The following PTPRD variants were observed in gnomAD, a reference collection of about 807,000 sequenced individuals.
PTPRD encodes protein tyrosine phosphatase receptor type D.
Under a neutral mutation model 214.5 loss-of-function variants are expected in PTPRD, and 34 were observed. That is an observed-to-expected ratio of 0.16 (90% confidence interval 0.12 to 0.21). PTPRD has a LOEUF of 0.21. Among genes scored for constraint, PTPRD ranks in the 10% least tolerant of loss-of-function variants. The pLI is 1.00. For missense variants in PTPRD, 2,545 were observed against 2,398.7 expected (o/e 1.06, Z -1.27); for synonymous variants, 1,128 against 845.7 (o/e 1.33, Z -5.79).
At chr9:8,725,456 C>T (rs769805457) in intron 12 of PTPRD, among the ~76,000 whole-genome samples, 5 of 152,108 alleles carry the variant, frequency 3.3e-5, no homozygotes, top group Non-Finnish European at 7.4e-5. Context: ...ATGAGCCAAT[C>T]AGTCAATGTC....
At position 10,068,408 on chromosome 9, in the gene PTPRD, G is replaced by T. The variant is rs2097923133; in HGVS notation, c.-544-34618C>A. Among the ~76,000 whole-genome samples the T allele has an allele frequency of 2.0e-5, 3 of 151,902 alleles. No homozygotes were observed. The South Asian group carries it at 6.2e-4, about 31-fold the overall frequency. On this transcript the variant is annotated intron_variant, in intron 3 of 45. Transcript: ENST00000381196. ...ATTTTATATATAAAAATGTGAAGAA[G>T]ATATAGAGTGTAAATGATACCAGTG...
intron 3 of PTPRD, among the ~76,000 whole-genome samples, chr9:10,234,795 C>A (rs1278978899): frequency 1.3e-5 from 2 of 151,744 alleles, no homozygotes; most frequent in East Asian, 3.9e-4. Flanking sequence ...TAATAAGAGC[C>A]AAACTGAAAT....
intron 11 of PTPRD, among the ~76,000 whole-genome samples, chr9:8,848,932 C>T (rs1256250699): frequency 2.4e-5 from 3 of 126,226 alleles, no homozygotes; most frequent in Non-Finnish European, 5.4e-5. Context: ...AGGTGAGGTA[C>T]TGAGCAGAAT....
chr9:9,731,849 A>T (rs2098200016), intron 7 of PTPRD, among the ~76,000 whole-genome samples: 1 of 152,220 alleles, frequency 6.6e-6, no homozygotes, highest in Non-Finnish European at 1.5e-5. Flanking sequence ...GAACTACTAA[A>T]CATAGAGCAA....
chr9:8,427,263 G>A (rs2094742556), intron 35 of PTPRD, among the ~76,000 whole-genome samples: 1 of 152,168 alleles, frequency 6.6e-6, no homozygotes, highest in Non-Finnish European at 1.5e-5. Context: ...CCTATTTTCT[G>A]AGAGAAAAGA....
rs115121143 is a variant in PTPRD, at chr9:8,625,688, G to A, written c.352+7629C>T. Among the ~76,000 whole-genome samples the A allele has an allele frequency of 7.8e-3, 1,189 of 151,608 alleles. 21 individuals carry two copies. The highest frequency in any genetic ancestry group is 0.026 in the African/African-American group (1,068 of 41,396). Reference sequence around the variant, plus strand: ...TTAAAAAAAAATCTACTGTGTTAAAGGGTGAAAATAACATTTATGTAATGC... The same window carrying A: ...TTAAAAAAAAATCTACTGTGTTAAAAGGTGAAAATAACATTTATGTAATGC... On this transcript the variant is annotated intron_variant, in intron 14 of 45. Coordinates refer to ENST00000381196, the MANE Select transcript of PTPRD (RefSeq NM_002839.4).
intron 12 of PTPRD, chr9:8,701,259 C>G (rs1400816333): frequency 6.6e-6 from 1 of 152,068 alleles, no homozygotes; most frequent in Non-Finnish European, 1.5e-5. Context: ...AAGTATCCAA[C>G]CATGGAAAGG....
At chr9:8,749,365 T>C (rs956500284) in intron 11 of PTPRD, among the ~76,000 whole-genome samples, 1 of 152,144 alleles carries the variant, frequency 6.6e-6, no homozygotes, top group Admixed American at 6.5e-5. Context: ...TTTTTGTGTT[T>C]TTAGTAGAGA....
intron 2 of PTPRD, among the ~76,000 whole-genome samples, chr9:10,369,939 T>C (rs1281154286): frequency 6.6e-6 from 1 of 152,136 alleles, no homozygotes; most frequent in African/African-American, 2.4e-5. Flanking sequence ...TTGTGCTTAA[T>C]TATATGCGAG....
At chr9:8,436,036 T>C (rs1002872532) in intron 35 of PTPRD, among the ~76,000 whole-genome samples, 2 of 152,208 alleles carry the variant, frequency 1.3e-5, no homozygotes, top group African/African-American at 4.8e-5. Context: ...CAAATCAGTG[T>C]ATTTGGCACC....
chr9:9,363,637 T>TG (rs2056968537), intron 9 of PTPRD, among the ~76,000 whole-genome samples: 2 of 151,242 alleles, frequency 1.3e-5, no homozygotes, highest in South Asian at 4.2e-4. Context: ...TCTAGCTAAG[T>TG]GGAAGTGGTC....
intron 2 of PTPRD, among the ~76,000 whole-genome samples, chr9:10,600,741 C>T (rs1389417190): frequency 6.6e-6 from 1 of 151,704 alleles, no homozygotes; most frequent in Non-Finnish European, 1.5e-5. Context: ...ATGAGCAAAT[C>T]CACAAAAACA....
intron 3 of PTPRD, among the ~76,000 whole-genome samples, chr9:10,321,350 T>C (rs528587506): frequency 2.0e-5 from 3 of 152,028 alleles, no homozygotes; most frequent in African/African-American, 7.2e-5. Context: ...AGGGCATTGA[T>C]TGGTCAAATG....
chr9:8,824,051 A>T (rs1158352156), intron 11 of PTPRD, among the ~76,000 whole-genome samples: 1 of 152,168 alleles, frequency 6.6e-6, no homozygotes, highest in Non-Finnish European at 1.5e-5. Flanking sequence ...CAGTGAAGAC[A>T]ACCAGAGGTC....
At chr9:9,762,457 A>C (rs2098666990) in intron 6 of PTPRD, among the ~76,000 whole-genome samples, 1 of 152,154 alleles carries the variant, frequency 6.6e-6, no homozygotes, top group Non-Finnish European at 1.5e-5. Context: ...ATTTTTGTTT[A>C]ACAGTTTGTT....
At chr9:10,305,661 A>G (rs763329422) in intron 3 of PTPRD, among the ~76,000 whole-genome samples, 52 of 152,166 alleles carry the variant, frequency 3.4e-4, no homozygotes, top group Non-Finnish European at 3.7e-4. Context: ...GCCAACAAAC[A>G]TAAGAAAAGA....
intron 3 of PTPRD, among the ~76,000 whole-genome samples, chr9:10,278,577 T>C (rs12346020): frequency 1.3e-5 from 2 of 152,170 alleles, no homozygotes; most frequent in African/African-American, 4.8e-5. Flanking sequence ...TGTGTGTTGC[T>C]GCTCCAAAAA....
chr9:8,668,854 T>G (rs2097220069), intron 12 of PTPRD, among the ~76,000 whole-genome samples: 1 of 152,162 alleles, frequency 6.6e-6, no homozygotes, highest in Non-Finnish European at 1.5e-5. Context: ...AAGTTAGAGA[T>G]AGCTTGCAGT....
intron 7 of PTPRD, among the ~76,000 whole-genome samples, chr9:9,602,001 AT>A (rs2093807510): frequency 6.6e-6 from 1 of 152,052 alleles, no homozygotes; most frequent in South Asian, 2.1e-4. Context: ...AGATTGGCAG[AT>A]TTGTGTGTAT....
Sources: gnomAD v4.1 joint callset for allele counts (sites outside exome capture counted in the v4.1 genomes callset) on GRCh38, gnomAD v4.1.1 for gene constraint, MANE v1.5 for transcripts, NCBI Gene and HGNC (gene_info 2026-07-23, HGNC 2026-07-21) for gene names.